The following VTI1A variants were observed in gnomAD, a reference collection of about 807,000 sequenced individuals.
VTI1A encodes the protein vesicle transport through interaction with t-SNAREs 1A.
A neutral mutation model predicts 34.9 loss-of-function variants in VTI1A; 22 were observed. That is an observed-to-expected ratio of 0.63 (90% confidence interval 0.45 to 0.90). The LOEUF (loss-of-function observed/expected upper bound fraction) is 0.90, where lower values mean the gene tolerates loss of function less well. Ranked by LOEUF, VTI1A falls within the 40% of genes least tolerant of loss-of-function variation. The pLI, the probability that VTI1A is intolerant of heterozygous loss-of-function variation, is 0.00. For missense variants in VTI1A, 268 were observed against 275.6 expected, an observed-to-expected ratio of 0.97 and a Z score of 0.20; for synonymous variants, 87 against 97.3, an observed-to-expected ratio of 0.89 and a Z score of 0.62.
chr10:112,707,395 G>A (rs1388534159), intron 7 of VTI1A, among the ~76,000 whole-genome samples: 1 of 152,004 alleles, frequency 6.6e-6, no homozygotes, highest in Non-Finnish European at 1.5e-5. Context: ...GTACAATGGT[G>A]CGATCTTGGC....
intron 5 of VTI1A, among the ~76,000 whole-genome samples, chr10:112,562,380 G>C (rs1255629975): frequency 1.3e-5 from 2 of 152,080 alleles, no homozygotes; most frequent in African/African-American, 4.8e-5. Flanking sequence ...ATTTCTGAAA[G>C]TAAGTATGAA....
chr10:112,583,268 G>A (rs1376598191), intron 5 of VTI1A, among the ~76,000 whole-genome samples: 1 of 152,136 alleles, frequency 6.6e-6, no homozygotes, highest in Non-Finnish European at 1.5e-5. Context: ...TTTAAGCCCG[G>A]ATAACAACTT....
intron 7 of VTI1A, among the ~76,000 whole-genome samples, chr10:112,788,055 AT>A (rs1421078120): frequency 6.6e-6 from 1 of 151,328 alleles, no homozygotes; most frequent in Non-Finnish European, 1.5e-5. Context: ...TAGAGAACAT[AT>A]TTTTTATTAT....
intron 7 of VTI1A, among the ~76,000 whole-genome samples, chr10:112,743,013 CGTGT>C (rs10612255): frequency 0.13 from 18,652 of 141,776 alleles, 1,204 homozygotes; most frequent in South Asian, 0.19. Flanking sequence ...GACCTATTCT[CGTGT>C]GTGTGTGTGT....
intron 5 of VTI1A, among the ~76,000 whole-genome samples, chr10:112,645,155 A>G (rs558848348): frequency 6.6e-6 from 1 of 152,342 alleles, no homozygotes; most frequent in Non-Finnish European, 1.5e-5. Flanking sequence ...TGCCTAGCGC[A>G]TAGCAAGTAC....
At chr10:112,503,342 A>G (rs911075055) in intron 3 of VTI1A, among the ~76,000 whole-genome samples, 4 of 152,196 alleles carry the variant, frequency 2.6e-5, no homozygotes, top group African/African-American at 9.6e-5. Flanking sequence ...TAGTTCCCAC[A>G]TATGAATGAG....
intron 5 of VTI1A, among the ~76,000 whole-genome samples, chr10:112,550,752 T>C (rs1851319679): frequency 6.6e-6 from 1 of 152,050 alleles, no homozygotes; most frequent in Admixed American, 6.6e-5. Flanking sequence ...TAAATATCTA[T>C]TTATTTAGAG....
intron 5 of VTI1A, among the ~76,000 whole-genome samples, chr10:112,600,974 A>G (rs1431980377): frequency 6.6e-6 from 1 of 152,262 alleles, no homozygotes; most frequent in Non-Finnish European, 1.5e-5. Context: ...ACAATCTAGT[A>G]AAGAAGACAA....
chr10:112,531,594 C>T (rs1183693712), intron 4 of VTI1A, among the ~76,000 whole-genome samples: 2 of 152,012 alleles, frequency 1.3e-5, no homozygotes, highest in Admixed American at 1.3e-4. Flanking sequence ...CAAGATAGAA[C>T]GTTTTTTGTT....
At chr10:112,605,288 G>A (rs1461456577) in intron 5 of VTI1A, among the ~76,000 whole-genome samples, 1 of 152,124 alleles carries the variant, frequency 6.6e-6, no homozygotes, top group Non-Finnish European at 1.5e-5. Context: ...TATTTATCTG[G>A]GGAAGTTGAA....
At chr10:112,608,194 T>C (rs1419076974) in intron 5 of VTI1A, among the ~76,000 whole-genome samples, 1 of 152,186 alleles carries the variant, frequency 6.6e-6, no homozygotes, top group African/African-American at 2.4e-5. Flanking sequence ...TTAAGCCTTT[T>C]AGAATTTCTT....
intron 7 of VTI1A, among the ~76,000 whole-genome samples, chr10:112,743,851 AAC>A: frequency 6.6e-6 from 1 of 152,228 alleles, no homozygotes; most frequent in Non-Finnish European, 1.5e-5. Context: ...TAATATAATG[AAC>A]ACCTTTCTTC....
chr10:112,629,436 T>C lies in VTI1A; in HGVS notation c.428-38782T>C, dbSNP rs1020492361. Among the ~76,000 whole-genome samples the C allele has an allele frequency of 2.0e-5, 3 of 152,260 alleles. 1 individual carries two copies. Among genetic ancestry groups the C allele is most frequent in the Admixed American group, 1.3e-4 (2 of 15,284 alleles). ...AGCTGTTAGGAGGATAGTTGGCTTT[T>C]AACTGGAGGCTTATCTGGGATTTCC... On this transcript the variant is annotated intron_variant, in intron 5 of 7. Transcript: ENST00000393077.
At chr10:112,515,766 CT>C (rs983602877) in intron 3 of VTI1A, among the ~76,000 whole-genome samples, 29 of 151,662 alleles carry the variant, frequency 1.9e-4, no homozygotes, top group Admixed American at 1.8e-3. Flanking sequence ...TTGTTTGTGG[CT>C]TTTTTTTGGT....
chr10:112,448,160 A>G (rs935279888), intron 1 of VTI1A, among the ~76,000 whole-genome samples: 3 of 152,242 alleles, frequency 2.0e-5, no homozygotes, highest in African/African-American at 4.8e-5. Context: ...GATTAAATTT[A>G]TATAACATAT....
chr10:112,821,343 G>A (rs990083060), downstream of VTI1A, among the ~76,000 whole-genome samples: 9 of 152,120 alleles, frequency 5.9e-5, no homozygotes, highest in South Asian at 6.2e-4. Flanking sequence ...CCACTTCCCC[G>A]GCCTCCCCCA....
chr10:112,525,245 C>T (rs531910180), intron 3 of VTI1A, among the ~76,000 whole-genome samples: 1 of 152,216 alleles, frequency 6.6e-6, no homozygotes, highest in South Asian at 2.1e-4. Context: ...CTCTCTGCAA[C>T]GTTGTTGATT....
intron 5 of VTI1A, among the ~76,000 whole-genome samples, chr10:112,647,340 G>A (rs11196032): frequency 0.19 from 29,206 of 152,134 alleles, 3,036 homozygotes; most frequent in East Asian, 0.31. Context: ...AGATTGTTCA[G>A]GTGCAATCTC....
chr10:112,485,795 T>G (rs1848606183), intron 3 of VTI1A, among the ~76,000 whole-genome samples: 1 of 152,222 alleles, frequency 6.6e-6, no homozygotes, highest in Non-Finnish European at 1.5e-5. Flanking sequence ...TATTTCAAAG[T>G]TTTTATTATT....
Sources: allele counts gnomAD v4.1 joint callset (sites outside exome capture counted in the v4.1 genomes callset), GRCh38; gene constraint gnomAD v4.1.1; transcripts MANE v1.5; gene names NCBI Gene and HGNC (gene_info 2026-07-23, HGNC 2026-07-21).